The following NDRG3 variants were observed in gnomAD, a reference collection of about 807,000 sequenced individuals.
NDRG3 encodes the protein NDRG family member 3.
NDRG3 carries 23 observed loss-of-function variants against 57.2 expected under a neutral mutation model. The ratio of observed to expected loss-of-function variants is 0.40; its 90% confidence interval spans 0.29 to 0.57. The LOEUF (loss-of-function observed/expected upper bound fraction) is 0.57. Ranked by LOEUF, NDRG3 falls within the 20% of genes least tolerant of loss-of-function variation. NDRG3 has a pLI of 0.42. For synonymous variants in NDRG3, 132 were observed against 162.6 expected, an observed-to-expected ratio of 0.81 and a Z score of 1.43; for missense variants, 384 against 457.3, an observed-to-expected ratio of 0.84 and a Z score of 1.46.
At chr20:36,711,209 G>C (rs1568659427) in intron 2 of NDRG3, among the ~76,000 whole-genome samples, 1 of 150,892 alleles carries the variant, frequency 6.6e-6, no homozygotes, top group African/African-American at 2.4e-5. Flanking sequence ...AACCCGGGAG[G>C]CGGAGCTTGC....
intron 3 of NDRG3, among the ~76,000 whole-genome samples, chr20:36,689,194 AAAAAT>A (rs906245764): frequency 6.6e-6 from 1 of 152,170 alleles, no homozygotes; most frequent in Non-Finnish European, 1.5e-5. Context: ...CTTCGTCTCA[AAAAAT>A]AAAATAAAAT....
At chr20:36,726,453 T>C (rs538275026) in intron 1 of NDRG3, among the ~76,000 whole-genome samples, 4 of 152,290 alleles carry the variant, frequency 2.6e-5, no homozygotes, top group African/African-American at 9.6e-5. Context: ...TTCTGGAGAC[T>C]CCATTTTTGC....
intron 8 of NDRG3, among the ~76,000 whole-genome samples, chr20:36,674,450 A>C (rs546308466): frequency 6.6e-6 from 1 of 151,928 alleles, no homozygotes; most frequent in South Asian, 2.1e-4. Context: ...TGATCCGCCC[A>C]CCTCGACCTC....
chr20:36,663,309 T>C (rs1259864599), intron 12 of NDRG3, among the ~76,000 whole-genome samples: 1 of 152,200 alleles, frequency 6.6e-6, no homozygotes, highest in African/African-American at 2.4e-5. Flanking sequence ...CTACAAACAT[T>C]TCCCCACTCC....
chr20:36,655,436 C>A (rs1266891680), intron 15 of NDRG3, among the ~76,000 whole-genome samples: 1 of 152,156 alleles, frequency 6.6e-6, no homozygotes, highest in Non-Finnish European at 1.5e-5. Context: ...GTAGATAATT[C>A]TGTGACCATG....
chr20:36,743,555 C>T (rs1452591461), intron 1 of NDRG3, among the ~76,000 whole-genome samples: 1 of 151,666 alleles, frequency 6.6e-6, no homozygotes, highest in Non-Finnish European at 1.5e-5. Context: ...TGGCTCACGC[C>T]TGTAATCCCA....
chr20:36,681,324 C>T lies in NDRG3; in HGVS notation c.445-422G>A, dbSNP rs373736889. 6.1e-4 allele frequency among the ~76,000 whole-genome samples: 93 copies of T among 151,426 alleles called. 1 individual carries two copies. Among genetic ancestry groups the T allele is most frequent in the Admixed American group, 4.6e-4 (7 of 15,190 alleles). On this transcript the variant is annotated intron_variant, in intron 7 of 15. Coordinates refer to ENST00000349004, the MANE Select transcript of NDRG3 (RefSeq NM_032013.4). The stretch of plus-strand genomic sequence containing the variant: ...CAGAAGACTCTCCTATCACTGAGGA[C>T]GTATTAAAAAAAAATAATGATAATA...
intron 2 of NDRG3, among the ~76,000 whole-genome samples, chr20:36,714,965 G>T (rs1984148233): frequency 8.2e-6 from 1 of 121,796 alleles, no homozygotes; most frequent in Admixed American, 1.0e-4. Flanking sequence ...CCAGGGATAA[G>T]AATGAAAATC....
rs374499324 is a variant in NDRG3 at position 36,717,191 on chromosome 20, C to T, written c.57+4488G>A. ...TATCCACTTCTTGACAATTCTGAGC[C>T]GTAGACAAAATTACAGGCATACTAA... On this transcript the variant is annotated intron_variant, in intron 2 of 15. Coordinates refer to ENST00000349004, the MANE Select transcript of NDRG3 (RefSeq NM_032013.4). Among the ~76,000 whole-genome samples, 17 of 152,108 alleles carry T rather than the reference C, an allele frequency of 1.1e-4. No homozygotes were observed. The East Asian group carries it at 2.1e-3, about 19-fold the overall frequency.
chr20:36,696,041 GA>G (rs1388400555), intron 3 of NDRG3, among the ~76,000 whole-genome samples: 1 of 152,106 alleles, frequency 6.6e-6, no homozygotes, highest in African/African-American at 2.4e-5. Context: ...AGGGAAAATA[GA>G]AAAGAACCTA....
At chr20:36,744,397 G>GC (rs1454515791) in intron 1 of NDRG3, among the ~76,000 whole-genome samples, 2 of 152,094 alleles carry the variant, frequency 1.3e-5, no homozygotes, top group African/African-American at 4.8e-5. Context: ...TGAAAAGGGG[G>GC]GGTGGAAATT....
At chr20:36,679,523 G>C (rs1017755308) in intron 8 of NDRG3, among the ~76,000 whole-genome samples, 1 of 146,788 alleles carries the variant, frequency 6.8e-6, no homozygotes, top group Non-Finnish European at 1.5e-5. Context: ...TTTTTTTTGA[G>C]ACAGAGTTTC....
In NDRG3 at chr20:36,682,509, C is replaced by T. The variant is rs1247437406; in HGVS notation, c.444+9G>A. 1.9e-6 allele frequency: 3 copies of T among 1,612,364 alleles called. No homozygotes were observed. The highest frequency in any genetic ancestry group is 1.3e-5 in the African/African-American group (1 of 75,020). Reference sequence around the variant, plus strand: ...CAAGGATGTTGAGGCTAATCCTCTACATACTTACTGCAAATCTGCTGAGGA... The same window carrying T: ...CAAGGATGTTGAGGCTAATCCTCTATATACTTACTGCAAATCTGCTGAGGA... On this transcript the variant is annotated intron_variant, in intron 7 of 15. Transcript: ENST00000349004.
At position 36,739,133 on chromosome 20, in the gene NDRG3, TCA is replaced by T. The variant is rs1491546971; in HGVS notation, c.-49+6910_-49+6911del. ...CTGGGTGACAAAACGAGACCCCATC[TCA>T]AAAAAAAAAAAAAAAAAAAAAAAAA... On this transcript the variant is annotated intron_variant, in intron 1 of 15. Coordinates refer to ENST00000349004, the MANE Select transcript of NDRG3 (RefSeq NM_032013.4). Among the ~76,000 whole-genome samples the T allele has an allele frequency of 1.1e-3, 36 of 31,516 alleles. 3 individuals are homozygous for T. The highest frequency in any genetic ancestry group is 3.2e-3 in the African/African-American group (25 of 7,740). 20.7% of individuals were successfully genotyped at this position (31,516 alleles called of 152,430 possible). A position where few individuals can be genotyped will look rare whatever the true frequency, so the allele number is the denominator to read the frequency against.
intron 5 of NDRG3, among the ~76,000 whole-genome samples, chr20:36,685,215 G>A (rs1328043827): frequency 6.6e-6 from 1 of 151,924 alleles, no homozygotes; most frequent in Non-Finnish European, 1.5e-5. Flanking sequence ...CTAGGTATGG[G>A]CACACAGTTA....
At chr20:36,658,409 C>G (rs545355699) in intron 13 of NDRG3, among the ~76,000 whole-genome samples, 1 of 152,310 alleles carries the variant, frequency 6.6e-6, no homozygotes, top group South Asian at 2.1e-4. Context: ...CCACCATGCC[C>G]AGCCCCTCCC....
At chr20:36,699,843 G>A (rs754652695) in intron 3 of NDRG3, among the ~76,000 whole-genome samples, 8 of 151,792 alleles carry the variant, frequency 5.3e-5, no homozygotes, top group East Asian at 1.9e-4. Flanking sequence ...GAGGGAGGCC[G>A]GGCACGGTGG....
intron 1 of NDRG3, among the ~76,000 whole-genome samples, chr20:36,738,579 T>A (rs779731085): frequency 1.1e-4 from 17 of 150,744 alleles, no homozygotes; most frequent in Non-Finnish European, 2.4e-4. Context: ...TCCCAACACT[T>A]TGGGAGGCCG....
chr20:36,668,826 G>A (rs944345081), intron 9 of NDRG3, among the ~76,000 whole-genome samples: 6 of 151,230 alleles, frequency 4.0e-5, no homozygotes, highest in Non-Finnish European at 7.4e-5. Flanking sequence ...TATATATAGC[G>A]AGAGAAATAT....
Sources: allele counts gnomAD v4.1 joint callset (sites outside exome capture counted in the v4.1 genomes callset), GRCh38; gene constraint gnomAD v4.1.1; transcripts MANE v1.5; gene names NCBI Gene and HGNC (gene_info 2026-07-23, HGNC 2026-07-21).